Variants in RBFOX2 observed in about 807,000 individuals in gnomAD.
The protein encoded by RBFOX2 is RNA binding protein fox-1 homolog 2.
Under a neutral mutation model 49.1 loss-of-function variants are expected in RBFOX2, and 10 were observed. The ratio of observed to expected loss-of-function variants is 0.20; its 90% confidence interval spans 0.13 to 0.35. The LOEUF (loss-of-function observed/expected upper bound fraction) is 0.35, where lower values mean the gene tolerates loss of function less well. RBFOX2 is among the 10% of genes least tolerant of loss of function. The pLI is 1.00. For missense variants in RBFOX2, 323 were observed against 486.9 expected (o/e 0.66, Z 3.17); for synonymous variants, 183 against 187.4 (o/e 0.98, Z 0.19).
intron 1 of RBFOX2, among the ~76,000 whole-genome samples, chr22:35,920,914 G>A (rs933369351): frequency 6.6e-6 from 1 of 152,016 alleles, no homozygotes; most frequent in East Asian, 1.9e-4. Context: ...ACAACAAAAC[G>A]TTAAGATAAA....
chr22:35,897,595 C>T lies in RBFOX2; in HGVS notation c.-34+41252G>A, dbSNP rs565131178. ...CTTCACCAGGTCAAAGAGGAGATATCGATTTGGCCCAACGAAAGCAAAGGT... is the reference window on the plus strand; with the variant it reads ...CTTCACCAGGTCAAAGAGGAGATATTGATTTGGCCCAACGAAAGCAAAGGT... On this transcript the variant is annotated intron_variant, in intron 1 of 13. Coordinates refer to the RBFOX2 transcript ENST00000359369. 2.0e-5 allele frequency: 21 copies of T among 1,073,392 alleles called. 1 individual carries two copies. The highest frequency in any genetic ancestry group is 2.2e-4 in the Middle Eastern group (1 of 4,558). The allele number at this position is 1,073,392 out of a possible 1,614,324, so 66.5% of individuals were successfully genotyped here.
chr22:35,887,458 T>C (rs73161704), intron 1 of RBFOX2, among the ~76,000 whole-genome samples: 24,545 of 152,156 alleles, frequency 0.16, 2,450 homozygotes, highest in Admixed American at 0.26. Context: ...CTTTACTCTT[T>C]TGATCTTAAG....
At chr22:35,911,999 G>A (rs557066264) in intron 1 of RBFOX2, among the ~76,000 whole-genome samples, 2 of 151,872 alleles carry the variant, frequency 1.3e-5, no homozygotes, top group South Asian at 4.2e-4. Context: ...CATGTTTGTA[G>A]GTCTTGTATC....
chr22:35,977,737 T>G (rs1261182978), intron 1 of RBFOX2, among the ~76,000 whole-genome samples: 18 of 135,732 alleles, frequency 1.3e-4, no homozygotes, highest in African/African-American at 4.4e-4. Context: ...TATATATATA[T>G]ATATATATAT....
chr22:35,959,669 T>G (rs554092202), intron 1 of RBFOX2, among the ~76,000 whole-genome samples: 8 of 152,354 alleles, frequency 5.3e-5, no homozygotes, highest in African/African-American at 1.9e-4. Flanking sequence ...GTAAACAGAT[T>G]ATACTCAATA....
intron 1 of RBFOX2, among the ~76,000 whole-genome samples, chr22:35,850,171 C>T (rs919895247): frequency 2.7e-5 from 4 of 148,176 alleles, no homozygotes; most frequent in Admixed American, 2.1e-4. Flanking sequence ...TGCACGCATG[C>T]GCATTCTCTG....
intron 1 of RBFOX2, among the ~76,000 whole-genome samples, chr22:35,954,690 G>A (rs1254610762): frequency 6.6e-6 from 1 of 152,096 alleles, no homozygotes; most frequent in Admixed American, 6.5e-5. Context: ...TACTCCTTCA[G>A]CAAACATTTA....
chr22:35,952,328 T>C (rs530740095), intron 1 of RBFOX2, among the ~76,000 whole-genome samples: 2 of 152,352 alleles, frequency 1.3e-5, no homozygotes, highest in African/African-American at 4.8e-5. Context: ...TAAGTATGAC[T>C]ACATCTGAGT....
At chr22:35,941,091 T>G (rs2053642395), upstream of RBFOX2, among the ~76,000 whole-genome samples, 1 of 152,172 alleles carries the variant, frequency 6.6e-6, no homozygotes, top group African/African-American at 2.4e-5. Flanking sequence ...GTGAATTATA[T>G]CTCATTAAAT....
intron 2 of RBFOX2, among the ~76,000 whole-genome samples, chr22:35,791,393 A>AT (rs11387417): frequency 0.046 from 7,064 of 152,050 alleles, 194 homozygotes; most frequent in African/African-American, 0.058. Context: ...CTCAAAAAAA[A>AT]AAAAAAGAAG....
At chr22:36,027,512 T>TA (rs1176967611) in intron 1 of RBFOX2, among the ~76,000 whole-genome samples, 32 of 152,274 alleles carry the variant, frequency 2.1e-4, no homozygotes, top group East Asian at 1.9e-4. Flanking sequence ...AATAGCCCTA[T>TA]AAAAAAATTT....
intron 1 of RBFOX2, among the ~76,000 whole-genome samples, chr22:35,845,848 AT>A (rs2041115050): frequency 6.6e-6 from 1 of 152,158 alleles, no homozygotes; most frequent in South Asian, 2.1e-4. Context: ...TGCCTCTATT[AT>A]TAAGTTACAG....
At chr22:35,857,279 G>A (rs955877353) in intron 1 of RBFOX2, among the ~76,000 whole-genome samples, 1 of 152,182 alleles carries the variant, frequency 6.6e-6, no homozygotes, top group African/African-American at 2.4e-5. Flanking sequence ...AATGAAAAAG[G>A]GAACAACCTA....
At chr22:35,828,160 C>CAAAAAAAAAAAAAAAAAA (rs201383680) in intron 1 of RBFOX2, among the ~76,000 whole-genome samples, 1 of 66,568 alleles carries the variant, frequency 1.5e-5, no homozygotes, top group Non-Finnish European at 3.3e-5. Context: ...GAATCTGTCT[C>CAAAAAAAAAAAAAAAAAA]AAAAAAAAAA....
intron 11 of RBFOX2, 101 bp downstream of exon 13, chr22:35,745,822 G>T: frequency 8.3e-7 from 1 of 1,198,214 alleles, no homozygotes; most frequent in Non-Finnish European, 1.2e-6. Flanking sequence ...CTTGATGGTG[G>T]ATGAAAGGCT....
At chr22:35,884,469 C>G (rs2046321058) in intron 1 of RBFOX2, among the ~76,000 whole-genome samples, 2 of 152,146 alleles carry the variant, frequency 1.3e-5, no homozygotes, top group African/African-American at 4.8e-5. Flanking sequence ...ATCATTAAAG[C>G]TTGACTATCA....
At chr22:35,979,483 A>G (rs1013614966) in intron 1 of RBFOX2, among the ~76,000 whole-genome samples, 2 of 152,214 alleles carry the variant, frequency 1.3e-5, no homozygotes, top group African/African-American at 4.8e-5. Context: ...GTGAAGGAAT[A>G]TCACATCTGC....
At position 35,761,305 on chromosome 22, in the gene RBFOX2, T is replaced by G; in HGVS notation, c.662-11A>C. On this transcript the variant is annotated splice_polypyrimidine_tract_variant and intron_variant, in intron 7 of 11. Coordinates refer to ENST00000405409, the Ensembl canonical transcript of RBFOX2. ...CTTGAAAGCTGGATGCTGATTGGAT[T>G]TTTAAAAAATTTAAAAATGCAAGAA... 3.1e-6 allele frequency: 5 copies of G among 1,614,082 alleles called. No homozygotes were observed. Among genetic ancestry groups the G allele is most frequent in the Non-Finnish European group, 4.2e-6 (5 of 1,179,966 alleles).
chr22:36,024,253 T>C (rs533873252), intron 1 of RBFOX2, among the ~76,000 whole-genome samples: 1 of 152,268 alleles, frequency 6.6e-6, no homozygotes, highest in African/African-American at 2.4e-5. Context: ...TTACGAAGGA[T>C]AAATACAAAG....
Sources: gnomAD v4.1 joint callset for allele counts (sites outside exome capture counted in the v4.1 genomes callset) on GRCh38, gnomAD v4.1.1 for gene constraint, MANE v1.5 for transcripts, NCBI Gene and HGNC (gene_info 2026-07-23, HGNC 2026-07-21) for gene names.